The following NPAT variants were observed in gnomAD, a reference collection of about 807,000 sequenced individuals.
The protein encoded by NPAT is protein NPAT.
Under a neutral mutation model 130.7 loss-of-function variants are expected in NPAT, and 52 were observed. The ratio of observed to expected loss-of-function variants is 0.40; its 90% confidence interval spans 0.32 to 0.50. The LOEUF (loss-of-function observed/expected upper bound fraction) is 0.50, where lower values mean the gene tolerates loss of function less well. NPAT is among the 20% of genes least tolerant of loss of function. NPAT has a pLI of 0.68. For synonymous variants in NPAT, 580 were observed against 584.8 expected (o/e 0.99, Z 0.12); for missense variants, 1,687 against 1,662.6 (o/e 1.01, Z -0.26).
intron 1 of NPAT, among the ~76,000 whole-genome samples, chr11:108,220,230 G>A (rs1272797478): frequency 6.6e-6 from 1 of 152,192 alleles, no homozygotes; most frequent in Non-Finnish European, 1.5e-5. Context: ...GGCTACTTAA[G>A]TGGAGTAGTG....
chr11:108,196,507 ATAAT>A (rs61247769), intron 2 of NPAT, among the ~76,000 whole-genome samples: 79,625 of 151,572 alleles, frequency 0.53, 21,703 homozygotes, highest in Middle Eastern at 0.72. Context: ...TGAAAAATCT[ATAAT>A]TAAATTGGGA....
At position 108,173,842 on chromosome 11, in the gene NPAT, G is replaced by C. The variant is rs1286576821; in HGVS notation, c.1142C>G (p.Ser381Cys). The C allele has an allele frequency of 1.2e-6, 2 of 1,614,096 alleles. No homozygotes were observed. The highest frequency in any genetic ancestry group is 1.1e-5 in the South Asian group (1 of 91,082). ...SFETEESDGQ[S>C]GQPAFCTSYQ... ...GGATGTACAAAAAGCGGGCTGACCA[G>C]ACTGACCATCTGCAAAGTATCAGGC... The change falls in exon 13 of 18, where the codon TCT becomes TGT. Residue 381 changes from serine (S) to cysteine (C), a missense_variant. By Grantham distance (112) the Ser-to-Cys change is moderately radical (BLOSUM62 -1). Coordinates refer to ENST00000278612, the MANE Select transcript of NPAT (RefSeq NM_002519.3).
chr11:108,216,085 T>A (rs145054706), intron 1 of NPAT, among the ~76,000 whole-genome samples: 3,291 of 152,314 alleles, frequency 0.022, 120 homozygotes, highest in African/African-American at 0.075. Context: ...AACACAAAAA[T>A]TTAAAACTTC....
intron 10 of NPAT, among the ~76,000 whole-genome samples, chr11:108,182,116 T>C (rs1012825755): frequency 2.0e-5 from 3 of 152,140 alleles, no homozygotes; most frequent in Non-Finnish European, 2.9e-5. Flanking sequence ...GACCCTGCCA[T>C]TGCTGTTTAG....
At chr11:108,212,245 C>T (rs2078391012) in intron 1 of NPAT, among the ~76,000 whole-genome samples, 1 of 152,068 alleles carries the variant, frequency 6.6e-6, no homozygotes. Context: ...AGCATCCAGG[C>T]CGGGTGCAGT....
At position 108,158,265 on chromosome 11, in the gene NPAT, T is replaced by C. The variant is rs1211415802; in HGVS notation, c.*677A>G. On this transcript the variant is annotated 3_prime_UTR_variant, in exon 18 of 18. Transcript: ENST00000278612. ...AAGTTATAAATGAAAGATCAGAACA[T>C]TCAATAAATGGTTTACAAAATTCTC... The C allele has an allele frequency of 6.6e-6, 1 of 152,436 alleles. No individual in the cohort carries two copies. The highest frequency in any genetic ancestry group is 1.5e-5 in the Non-Finnish European group (1 of 67,928). 9.4% of individuals were successfully genotyped at this position (152,436 alleles called of 1,614,324 possible). A position where few individuals can be genotyped will look rare whatever the true frequency, so the allele number is the denominator to read the frequency against.
chr11:108,198,814 C>T (rs953575469), intron 1 of NPAT, among the ~76,000 whole-genome samples: 1 of 152,304 alleles, frequency 6.6e-6, no homozygotes, highest in East Asian at 1.9e-4. Context: ...CCTCTCGTGT[C>T]GAGAGCTGTT....
At chr11:108,186,861 A>G (rs909677703) in intron 7 of NPAT, among the ~76,000 whole-genome samples, 2 of 152,250 alleles carry the variant, frequency 1.3e-5, no homozygotes, top group Admixed American at 1.3e-4. Context: ...TTGAGTATAA[A>G]TGAACCCATG....
intron 1 of NPAT, among the ~76,000 whole-genome samples, chr11:108,221,428 A>C (rs185635374): frequency 1.2e-4 from 19 of 152,382 alleles, no homozygotes; most frequent in Non-Finnish European, 1.5e-4. Context: ...TCAGACATTA[A>C]CAAAACATTA....
intron 3 of NPAT, among the ~76,000 whole-genome samples, chr11:108,193,151 A>C (rs1183115348): frequency 2.0e-5 from 3 of 152,246 alleles, no homozygotes; most frequent in Non-Finnish European, 4.4e-5. Flanking sequence ...GAGAATAAGC[A>C]GTCAAAACTT....
At chr11:108,215,162 T>C (rs2078421467) in intron 1 of NPAT, among the ~76,000 whole-genome samples, 2 of 152,220 alleles carry the variant, frequency 1.3e-5, no homozygotes, top group African/African-American at 4.8e-5. Context: ...CAGTTTAGTA[T>C]AATTACTCCC....
chr11:108,181,897 G>A (rs1224771982), intron 10 of NPAT, among the ~76,000 whole-genome samples: 1 of 152,208 alleles, frequency 6.6e-6, no homozygotes, highest in African/African-American at 2.4e-5. Flanking sequence ...GCAGACAGAA[G>A]TTAACCTAAA....
At chr11:108,220,353 G>C (rs1047344706) in intron 1 of NPAT, among the ~76,000 whole-genome samples, 2 of 152,188 alleles carry the variant, frequency 1.3e-5, no homozygotes, top group African/African-American at 4.8e-5. Context: ...GGGTGACACA[G>C]AACATAAGAC....
chr11:108,182,844 T>C (rs1368500405), intron 10 of NPAT, among the ~76,000 whole-genome samples: 1 of 152,254 alleles, frequency 6.6e-6, no homozygotes, highest in African/African-American at 2.4e-5. Flanking sequence ...CCAAGAACAG[T>C]AGGTTGTGTC....
In NPAT at chr11:108,205,599, C is replaced by A. The variant is rs910823068; in HGVS notation, c.38-8179G>T. Among the ~76,000 whole-genome samples the A allele has an allele frequency of 2.0e-5, 3 of 152,058 alleles. No individual in the cohort carries two copies. In the East Asian group the frequency reaches 5.8e-4, roughly 29 times the overall value. The stretch of plus-strand genomic sequence containing the variant: ...GAAGAATTCTATATCTAACAAGACT[C>A]CAAACTAAAACTTTAAAAATTGTAT... On this transcript the variant is annotated intron_variant, in intron 1 of 17. Coordinates refer to ENST00000278612, the MANE Select transcript of NPAT (RefSeq NM_002519.3).
chr11:108,177,605 T>C (rs1401629188), intron 10 of NPAT, among the ~76,000 whole-genome samples: 1 of 152,186 alleles, frequency 6.6e-6, no homozygotes, highest in East Asian at 1.9e-4. Flanking sequence ...GATAGGTGTT[T>C]CCTAATCCTA....
rs1288170617 is a variant in NPAT at position 108,172,652 on chromosome 11, T to C, written c.2332A>G (p.Lys778Glu). ...AGTTCTGCATTTTTAGTAGGTGATT[T>C]AGTAGGAGAAGACAAGATTATAGTT... ...LPTIILSSPT[K>E]SPTKNAELVK... Residue 778 changes from lysine (K) to glutamate (E), a missense_variant, in exon 13 of 18, where the codon AAA (lysine) becomes GAA (glutamate). Around this residue, in one of 3 missense-constraint regions of NPAT, gnomAD observed 1,379 missense variants for 1,346.6 expected, o/e 1.02. Coordinates refer to ENST00000278612, the MANE Select transcript of NPAT (RefSeq NM_002519.3). The C allele has an allele frequency of 6.2e-7, 1 of 1,614,036 alleles. No homozygotes were observed. The highest frequency in any genetic ancestry group is 8.5e-7 in the Non-Finnish European group (1 of 1,180,040).
chr11:108,188,898 C>T (rs532239458), intron 6 of NPAT, among the ~76,000 whole-genome samples: 15 of 152,190 alleles, frequency 9.9e-5, no homozygotes, highest in South Asian at 2.1e-4. Context: ...CTTCAATTAG[C>T]GTAGAAATAG....
intron 1 of NPAT, among the ~76,000 whole-genome samples, chr11:108,204,017 GAA>G (rs2078300117): frequency 6.6e-6 from 1 of 152,150 alleles, no homozygotes; most frequent in East Asian, 1.9e-4. Flanking sequence ...CTTTTACTGG[GAA>G]CTCTTAGGCC....
Sources: gnomAD v4.1 joint callset for allele counts (sites outside exome capture counted in the v4.1 genomes callset) on GRCh38, gnomAD v4.1.1 for gene constraint, gnomAD v4.1.1 regional missense constraint, MANE v1.5 for transcripts, NCBI Gene and HGNC (gene_info 2026-07-23, HGNC 2026-07-21) for gene names.